Variants in NLGN1 observed in about 807,000 individuals in gnomAD.
NLGN1 encodes neuroligin-1.
Under a neutral mutation model 65.5 loss-of-function variants are expected in NLGN1, and 12 were observed. That is an observed-to-expected ratio of 0.18 (90% CI 0.12 to 0.30). The LOEUF (loss-of-function observed/expected upper bound fraction) is 0.30, where lower values mean the gene tolerates loss of function less well. Among genes scored for constraint, NLGN1 ranks in the 10% least tolerant of loss-of-function variants. NLGN1 has a pLI of 1.00. For synonymous variants in NLGN1, 350 were observed against 359.5 expected, an observed-to-expected ratio of 0.97 and a Z score of 0.30; for missense variants, 750 against 1,007.1, an observed-to-expected ratio of 0.74 and a Z score of 3.46.
At chr3:174,062,147 T>C (rs191693443) in intron 4 of NLGN1, among the ~76,000 whole-genome samples, 6 of 152,200 alleles carry the variant, frequency 3.9e-5, no homozygotes, top group Admixed American at 3.9e-4. Flanking sequence ...AATTTCAACT[T>C]AATTCAAATC....
chr3:173,947,372 A>C (rs2152321447), intron 4 of NLGN1, among the ~76,000 whole-genome samples: 1 of 152,238 alleles, frequency 6.6e-6, no homozygotes, highest in South Asian at 2.1e-4. Context: ...TAAGAACAAT[A>C]ATAATGGCCT....
At chr3:173,536,859 A>G (rs993364607) in intron 2 of NLGN1, among the ~76,000 whole-genome samples, 2 of 152,168 alleles carry the variant, frequency 1.3e-5, no homozygotes, top group Non-Finnish European at 2.9e-5. Flanking sequence ...ATCTGAAGCC[A>G]GCAAGTTAGA....
intron 4 of NLGN1, among the ~76,000 whole-genome samples, chr3:174,031,530 T>C (rs1346948314): frequency 6.6e-6 from 1 of 152,152 alleles, no homozygotes; most frequent in African/African-American, 2.4e-5. Context: ...CAACAAGCCA[T>C]TGTTGATATC....
intron 4 of NLGN1, among the ~76,000 whole-genome samples, chr3:173,858,484 T>C (rs1728438784): frequency 3.3e-5 from 5 of 152,114 alleles, no homozygotes; most frequent in Admixed American, 2.0e-4. Context: ...GGTAAAATGC[T>C]AAGATTTGAA....
intron 4 of NLGN1, among the ~76,000 whole-genome samples, chr3:174,221,879 G>A (rs956506570): frequency 7.9e-5 from 12 of 151,846 alleles, no homozygotes; most frequent in African/African-American, 2.9e-4. Flanking sequence ...ACTTCTCTGT[G>A]TCTCTGTGTC....
At chr3:173,421,132 C>G (rs1714957504) in intron 1 of NLGN1, among the ~76,000 whole-genome samples, 1 of 152,038 alleles carries the variant, frequency 6.6e-6, no homozygotes, top group Non-Finnish European at 1.5e-5. Flanking sequence ...ACCTCACACT[C>G]TTGATTTTCA....
intron 2 of NLGN1, among the ~76,000 whole-genome samples, chr3:173,465,896 T>C (rs1724262723): frequency 6.6e-6 from 1 of 152,132 alleles, no homozygotes; most frequent in African/African-American, 2.4e-5. Flanking sequence ...AGGAAAATAT[T>C]TGGCTTGTTA....
At chr3:173,702,028 A>G (rs1767249652) in intron 3 of NLGN1, among the ~76,000 whole-genome samples, 1 of 152,066 alleles carries the variant, frequency 6.6e-6, no homozygotes, top group African/African-American at 2.4e-5. Context: ...TCACGAGGTC[A>G]GGAGATCGAG....
At chr3:174,022,467 C>G (rs1201939684) in intron 4 of NLGN1, among the ~76,000 whole-genome samples, 2 of 152,036 alleles carry the variant, frequency 1.3e-5, no homozygotes, top group Non-Finnish European at 2.9e-5. Flanking sequence ...TAAACACAGC[C>G]AATAATGGTG....
intron 3 of NLGN1, among the ~76,000 whole-genome samples, chr3:173,772,826 T>C (rs1300548630): frequency 6.6e-6 from 1 of 152,142 alleles, no homozygotes; most frequent in African/African-American, 2.4e-5. Context: ...ATTATTTTGT[T>C]CTTTCCTAGG....
chr3:173,783,379 C>A (rs1468918012), intron 3 of NLGN1, among the ~76,000 whole-genome samples: 4 of 152,136 alleles, frequency 2.6e-5, no homozygotes, highest in Admixed American at 2.0e-4. Context: ...TAACTTGGAA[C>A]AAGTTACTGA....
chr3:173,945,323 A>T (rs1746949200), intron 4 of NLGN1, among the ~76,000 whole-genome samples: 1 of 151,862 alleles, frequency 6.6e-6, no homozygotes. Flanking sequence ...TAACAAATAC[A>T]TTTTTTGATG....
At chr3:173,723,998 T>G (rs1227046740) in intron 3 of NLGN1, among the ~76,000 whole-genome samples, 1 of 152,190 alleles carries the variant, frequency 6.6e-6, no homozygotes, top group African/African-American at 2.4e-5. Context: ...TCAGAATAAC[T>G]CTCAAGTTTT....
chr3:173,951,855 A>G (rs1298872181), intron 4 of NLGN1, among the ~76,000 whole-genome samples: 1 of 152,108 alleles, frequency 6.6e-6, no homozygotes, highest in African/African-American at 2.4e-5. Context: ...TATATCCCAT[A>G]CCATTCTTGC....
intron 4 of NLGN1, among the ~76,000 whole-genome samples, chr3:174,155,259 A>G (rs185954730): frequency 0.013 from 1,967 of 151,120 alleles, 27 homozygotes; most frequent in Non-Finnish European, 0.02. Context: ...GAGGCTGTTT[A>G]TGTTTTTTTC....
At chr3:173,773,545 T>C (rs752041096) in intron 3 of NLGN1, among the ~76,000 whole-genome samples, 8 of 152,218 alleles carry the variant, frequency 5.3e-5, no homozygotes, top group Non-Finnish European at 1.2e-4. Flanking sequence ...GTTTGTAATA[T>C]GTTATCATTG....
At chr3:174,066,044 A>C (rs1314417833) in intron 4 of NLGN1, among the ~76,000 whole-genome samples, 1 of 152,186 alleles carries the variant, frequency 6.6e-6, no homozygotes, top group East Asian at 1.9e-4. Flanking sequence ...CAGCATTACT[A>C]ATGCACTTGG....
intron 3 of NLGN1, among the ~76,000 whole-genome samples, chr3:173,778,350 G>C (rs539122331): frequency 1.1e-4 from 17 of 151,766 alleles, no homozygotes; most frequent in Admixed American, 2.0e-4. Context: ...GAAAAGACTA[G>C]AGTCTCGAAT....
At chr3:173,724,477 T>A in intron 3 of NLGN1, 1 of 217,866 alleles carries the variant, frequency 4.6e-6, no homozygotes, top group Non-Finnish European at 1.0e-5. Flanking sequence ...GGTTTCACCA[T>A]GTTACGCAGG....
Sources: allele counts gnomAD v4.1 joint callset (sites outside exome capture counted in the v4.1 genomes callset), GRCh38; gene constraint gnomAD v4.1.1; transcripts MANE v1.5; gene names NCBI Gene and HGNC (gene_info 2026-07-23, HGNC 2026-07-21).